The following NUP210L variants were observed in gnomAD, a reference collection of about 807,000 sequenced individuals.
The protein encoded by NUP210L is nuclear pore membrane glycoprotein 210-like.
A neutral mutation model predicts 208.5 loss-of-function variants in NUP210L; 74 were observed. The ratio of observed to expected loss-of-function variants is 0.35; its 90% confidence interval spans 0.29 to 0.43. The LOEUF is 0.43. Among genes scored for constraint, NUP210L ranks in the 20% least tolerant of loss-of-function variants. NUP210L has a pLI of 1.00. For missense variants in NUP210L, 1,843 were observed against 2,289.4 expected, an observed-to-expected ratio of 0.81 and a Z score of 3.98; for synonymous variants, 780 against 816.9, an observed-to-expected ratio of 0.95 and a Z score of 0.77.
At chr1:154,018,891 T>C (rs756912574) in intron 33 of NUP210L, 42 bp downstream of exon 33, 26 of 1,603,788 alleles carry the variant, frequency 1.6e-5, no homozygotes, top group Non-Finnish European at 2.2e-5. Context: ...TATGTGGCAA[T>C]AGTCACCCTA....
At chr1:154,051,511 G>A (rs1244548008) in intron 25 of NUP210L, among the ~76,000 whole-genome samples, 1 of 152,132 alleles carries the variant, frequency 6.6e-6, no homozygotes. Context: ...ACTGTGCCTG[G>A]CCGACACTTT....
chr1:154,067,640 A>C (rs1301530125), intron 17 of NUP210L, among the ~76,000 whole-genome samples: 1 of 152,198 alleles, frequency 6.6e-6, no homozygotes, highest in Non-Finnish European at 1.5e-5. Context: ...AATTAGGAAA[A>C]GAGGAAGTCA....
intron 10 of NUP210L, among the ~76,000 whole-genome samples, chr1:154,119,659 G>A (rs1427250044): frequency 6.6e-6 from 1 of 152,080 alleles, no homozygotes; most frequent in Non-Finnish European, 1.5e-5. Context: ...CTGAATGTAG[G>A]ACTTGAGTAT....
chr1:154,057,001 C>A, intron 22 of NUP210L, 54 bp from the exon 23 acceptor site: 1 of 1,585,014 alleles, frequency 6.3e-7, no homozygotes, highest in South Asian at 1.1e-5. Flanking sequence ...TGTTTCAAGA[C>A]AGGGTCTTAC....
At chr1:154,064,636 A>G (rs1654301655) in intron 17 of NUP210L, among the ~76,000 whole-genome samples, 1 of 152,202 alleles carries the variant, frequency 6.6e-6, no homozygotes, top group Admixed American at 6.5e-5. Context: ...TCTGCCTTAG[A>G]CTATAAGTAT....
intron 10 of NUP210L, among the ~76,000 whole-genome samples, chr1:154,119,968 C>T (rs547613459): frequency 3.3e-5 from 5 of 152,302 alleles, no homozygotes; most frequent in South Asian, 4.1e-4. Flanking sequence ...GGAATCGCCA[C>T]GCTGACTTCC....
intron 10 of NUP210L, among the ~76,000 whole-genome samples, chr1:154,123,156 T>C (rs773334759): frequency 1.3e-5 from 2 of 152,192 alleles, no homozygotes; most frequent in Non-Finnish European, 2.9e-5. Context: ...GTATTTCTTT[T>C]CTTTTTGAGA....
At chr1:154,085,265 G>C (rs186323296) in intron 16 of NUP210L, among the ~76,000 whole-genome samples, 33 of 150,604 alleles carry the variant, frequency 2.2e-4, no homozygotes, top group Non-Finnish European at 4.0e-4. Flanking sequence ...CGGGAGAATG[G>C]TGTGAACTCA....
intron 12 of NUP210L, among the ~76,000 whole-genome samples, chr1:154,115,087 C>T (rs1218464476): frequency 6.6e-6 from 1 of 152,182 alleles, no homozygotes; most frequent in African/African-American, 2.4e-5. Flanking sequence ...GAAGTTTTTG[C>T]CTTCACTTTC....
chr1:154,022,543 T>C (rs77342255), intron 31 of NUP210L, among the ~76,000 whole-genome samples, 200 bp from the exon 32 acceptor site: 71 of 152,056 alleles, frequency 4.7e-4, no homozygotes, highest in East Asian at 3.5e-3. Flanking sequence ...TTTTTTTTTT[T>C]CCAGTAAAGC....
At chr1:153,995,355 A>G (rs1260209359) in intron 37 of NUP210L, among the ~76,000 whole-genome samples, 175 bp from the exon 38 acceptor site, 5 of 152,174 alleles carry the variant, frequency 3.3e-5, no homozygotes, top group Admixed American at 1.3e-4. Context: ...GCTGCATTTT[A>G]AAACTTATGA....
chr1:154,125,619 CTGAA>C lies in NUP210L; in HGVS notation c.1326+700_1326+703del, dbSNP rs201287368. Among the ~76,000 whole-genome samples, 530 of 68,276 alleles carry C rather than the reference CTGAA, an allele frequency of 7.8e-3. 10 individuals carry two copies. Among genetic ancestry groups the C allele is most frequent in the African/African-American group, 0.017 (289 of 16,794 alleles). 44.8% of individuals were successfully genotyped at this position (68,276 alleles called of 152,430 possible). On this transcript the variant is annotated intron_variant, in intron 10 of 39. Coordinates refer to ENST00000368559, the Ensembl canonical transcript of NUP210L. Reference sequence around the variant, plus strand: ...CCTGGCTGATGAAATGAGGCCCTCTCTGAAAGGAAGGAAGGAAGGAAGGAAGGAA... The same window carrying C: ...CCTGGCTGATGAAATGAGGCCCTCTCAGGAAGGAAGGAAGGAAGGAAGGAA...
intron 16 of NUP210L, among the ~76,000 whole-genome samples, chr1:154,073,432 G>A (rs1654866412): frequency 6.6e-6 from 1 of 151,930 alleles, no homozygotes; most frequent in Non-Finnish European, 1.5e-5. Flanking sequence ...AAACTGAGGT[G>A]GAAGGATCGC....
chr1:154,116,804 T>G (rs1657356843), intron 12 of NUP210L, among the ~76,000 whole-genome samples: 1 of 152,142 alleles, frequency 6.6e-6, no homozygotes, highest in Non-Finnish European at 1.5e-5. Context: ...AATCTTTTAG[T>G]AACAGATTGA....
intron 33 of NUP210L, among the ~76,000 whole-genome samples, chr1:154,013,578 A>AGC (rs1651078612): frequency 6.6e-6 from 1 of 152,116 alleles, no homozygotes; most frequent in African/African-American, 2.4e-5. Flanking sequence ...CATCTCAAAA[A>AGC]AACAAAACAA....
chr1:154,054,522 A>ACATATCC, intron 24 of NUP210L, 115 bp from the exon 25 acceptor site: 1 of 967,776 alleles, frequency 1.0e-6, no homozygotes, highest in South Asian at 1.6e-5. Context: ...TTCTTGAACA[A>ACATATCC]CATATCCCAT....
intron 16 of NUP210L, among the ~76,000 whole-genome samples, chr1:154,075,506 C>T (rs1654986696): frequency 6.6e-6 from 1 of 151,920 alleles, no homozygotes. Flanking sequence ...CTTTTAGTGG[C>T]CACATAGGTC....
chr1:154,042,294 G>T (rs1652929083), intron 27 of NUP210L, among the ~76,000 whole-genome samples: 3 of 152,002 alleles, frequency 2.0e-5, no homozygotes, highest in African/African-American at 7.2e-5. Flanking sequence ...GTAGAGACAG[G>T]GTTTCACTCT....
At chr1:154,067,544 A>T (rs1161847627) in intron 17 of NUP210L, among the ~76,000 whole-genome samples, 1 of 152,224 alleles carries the variant, frequency 6.6e-6, no homozygotes, top group Non-Finnish European at 1.5e-5. Flanking sequence ...CAAGACAGGG[A>T]TGCCCTCTCT....
Sources: gnomAD v4.1 joint callset for allele counts (sites outside exome capture counted in the v4.1 genomes callset) on GRCh38, gnomAD v4.1.1 for gene constraint, MANE v1.5 for transcripts, NCBI Gene and HGNC (gene_info 2026-07-23, HGNC 2026-07-21) for gene names.